The following LTAP1 variants were observed in gnomAD, a reference collection of about 807,000 sequenced individuals.
LTAP1 encodes HCV NS5A-transactivated protein 4.
the LTAP1 span, among the ~76,000 whole-genome samples, chr1:154,210,861 T>C: frequency 6.6e-6 from 1 of 152,168 alleles, no homozygotes; most frequent in African/African-American, 2.4e-5. Flanking sequence ...CTATGTTTAG[T>C]GTGTATTAAA....
At chr1:154,209,532 A>G in the LTAP1 span, among the ~76,000 whole-genome samples, 1 of 147,854 alleles carries the variant, frequency 6.8e-6, no homozygotes, top group Non-Finnish European at 1.5e-5. Context: ...CACAAGTGGT[A>G]CACGCACCTC....
At chr1:154,217,265 C>CT in the LTAP1 span, among the ~76,000 whole-genome samples, 1,170 of 152,142 alleles carry the variant, frequency 7.7e-3, 12 homozygotes, top group African/African-American at 0.027. Flanking sequence ...TTCAAATATA[C>CT]TTTATTGAGG....
At chr1:154,217,833 A>G in the LTAP1 span, among the ~76,000 whole-genome samples, 1 of 151,962 alleles carries the variant, frequency 6.6e-6, no homozygotes, top group African/African-American at 2.4e-5. Flanking sequence ...TTTGAGATTC[A>G]TGTTTGCAAT....
the LTAP1 span, among the ~76,000 whole-genome samples, chr1:154,215,087 C>T: frequency 0.065 from 9,828 of 151,984 alleles, 1,086 homozygotes; most frequent in African/African-American, 0.22. Context: ...TCAAGTGATC[C>T]GCCTGCCTTG....
the LTAP1 span, among the ~76,000 whole-genome samples, chr1:154,217,677 C>A: frequency 6.6e-6 from 1 of 151,662 alleles, no homozygotes; most frequent in Non-Finnish European, 1.5e-5. Flanking sequence ...GGATTTTTTT[C>A]TTGTATTTTT....
At chr1:154,213,172 T>C in the LTAP1 span, 1 of 154,096 alleles carries the variant, frequency 6.5e-6, no homozygotes, top group South Asian at 2.0e-4. Flanking sequence ...CCAGGCATGG[T>C]GGTAGGTACC....
chr1:154,214,004 G>A, the LTAP1 span: 10 of 1,515,990 alleles, frequency 6.6e-6, no homozygotes, highest in African/African-American at 8.3e-5. Context: ...CAGGCTGGGC[G>A]TGGTGGCTCA....
chr1:154,214,723 G>A, the LTAP1 span: 1 of 584,466 alleles, frequency 1.7e-6, no homozygotes, highest in Non-Finnish European at 3.0e-6. Context: ...TAAGAGGTAA[G>A]AATTTAGGAA....
At chr1:154,211,363 AGTCTTGCTCTGTCACCAGGCT>A in the LTAP1 span, among the ~76,000 whole-genome samples, 1 of 84,602 alleles carries the variant, frequency 1.2e-5, no homozygotes, top group Admixed American at 2.0e-4. Flanking sequence ...TTTGAGATGG[AGTCTTGCTCTGTCACCAGGCT>A]GGAGTGCAGT....
chr1:154,220,452 C>A, the LTAP1 span: 7 of 1,611,738 alleles, frequency 4.3e-6, no homozygotes, highest in Admixed American at 1.0e-4. Context: ...ACCCCGCTGT[C>A]CTGGCTGGTC....
chr1:154,217,517 T>C, the LTAP1 span, among the ~76,000 whole-genome samples: 1 of 152,184 alleles, frequency 6.6e-6, no homozygotes, highest in East Asian at 1.9e-4. Flanking sequence ...GCATTTTGGC[T>C]TTCTTCACTC....
the LTAP1 span, chr1:154,214,383 G>T: frequency 1.0e-6 from 1 of 980,206 alleles, no homozygotes; most frequent in South Asian, 1.4e-5. Context: ...AGCAGCTTTT[G>T]ACAACTCTGA....
the LTAP1 span, chr1:154,214,613 G>A: frequency 6.8e-6 from 9 of 1,329,868 alleles, no homozygotes; most frequent in Non-Finnish European, 9.6e-6. Flanking sequence ...CATTTACCCT[G>A]CACTCTGCTT....
At chr1:154,217,246 G>T in the LTAP1 span, among the ~76,000 whole-genome samples, 1 of 152,214 alleles carries the variant, frequency 6.6e-6, no homozygotes, top group Admixed American at 6.5e-5. Context: ...ACCGCACCCA[G>T]CAAAATTTTT....
chr1:154,218,024 G>A, the LTAP1 span, among the ~76,000 whole-genome samples: 2 of 151,954 alleles, frequency 1.3e-5, no homozygotes, highest in Non-Finnish European at 2.9e-5. Flanking sequence ...GTAACTCCTG[G>A]GCTCACATGA....
chr1:154,215,837 TTTC>T, the LTAP1 span, among the ~76,000 whole-genome samples: 1 of 147,394 alleles, frequency 6.8e-6, no homozygotes, highest in African/African-American at 2.7e-5. Flanking sequence ...TACCACTAAC[TTTC>T]TTTTTTTTTT....
At chr1:154,207,425 A>G in the LTAP1 span, 4 of 1,610,818 alleles carry the variant, frequency 2.5e-6, no homozygotes, top group South Asian at 4.4e-5. Context: ...TGACTGGCTT[A>G]ATCTACGGCA....
chr1:154,220,362 C>A, the LTAP1 span: 1 of 1,614,222 alleles, frequency 6.2e-7, no homozygotes, highest in Non-Finnish European at 8.5e-7. Flanking sequence ...TAGGCCATCA[C>A]CAGCACGACA....
At chr1:154,220,491 C>T in the LTAP1 span, 2 of 1,498,774 alleles carry the variant, frequency 1.3e-6, no homozygotes, top group Non-Finnish European at 1.9e-6. Flanking sequence ...GCGACGGCGC[C>T]TGGGTCCCCT....
Sources: allele counts gnomAD v4.1 joint callset (sites outside exome capture counted in the v4.1 genomes callset), GRCh38; gene constraint gnomAD v4.1.1; transcripts MANE v1.5; gene names NCBI Gene and HGNC (gene_info 2026-07-23, HGNC 2026-07-21).